CHLSN: variants seen among roughly 807,000 people sequenced by gnomAD.
CHLSN encodes the protein protein cholesin.
At chr7:1,054,731 C>G in the CHLSN span, among the ~76,000 whole-genome samples, 1 of 152,216 alleles carries the variant, frequency 6.6e-6, no homozygotes, top group Non-Finnish European at 1.5e-5. Context: ...CAGGAGAGCC[C>G]TCGCAGGAGG....
the CHLSN span, among the ~76,000 whole-genome samples, chr7:1,016,474 A>AGC: frequency 8.2e-6 from 1 of 122,696 alleles, no homozygotes; most frequent in Non-Finnish European, 1.7e-5. Flanking sequence ...AGCACATAGC[A>AGC]GCACAGCAGC....
At chr7:1,044,134 T>G in the CHLSN span, among the ~76,000 whole-genome samples, 1 of 152,102 alleles carries the variant, frequency 6.6e-6, no homozygotes, top group East Asian at 1.9e-4. Flanking sequence ...CAAACTTCGG[T>G]GAAGAAAGAG....
chr7:990,006 G>A, the CHLSN span, among the ~76,000 whole-genome samples: 1 of 49,508 alleles, frequency 2.0e-5, no homozygotes, highest in Non-Finnish European at 3.7e-5. Flanking sequence ...TCGGCAGTGT[G>A]AGTGGCGCGT....
At chr7:1,033,491 G>T in the CHLSN span, among the ~76,000 whole-genome samples, 2 of 151,948 alleles carry the variant, frequency 1.3e-5, no homozygotes, top group African/African-American at 4.8e-5. Flanking sequence ...TTGGGAAGTG[G>T]AGGTTGCAGT....
the CHLSN span, among the ~76,000 whole-genome samples, chr7:1,077,258 C>A: frequency 6.6e-6 from 1 of 152,220 alleles, no homozygotes; most frequent in Non-Finnish European, 1.5e-5. Context: ...CGGGTTCACA[C>A]CATTCTCCTG....
At chr7:984,594 T>C in the CHLSN span, 2 of 1,553,234 alleles carry the variant, frequency 1.3e-6, no homozygotes, top group Admixed American at 1.9e-5. Flanking sequence ...TGGCCGGCGC[T>C]ACGGGGCCTA....
the CHLSN span, among the ~76,000 whole-genome samples, chr7:1,126,507 C>T: frequency 8.6e-5 from 13 of 152,042 alleles, no homozygotes; most frequent in Admixed American, 5.9e-4. Context: ...TGGTGAAACC[C>T]GGTCTCTATC....
At chr7:1,048,776 T>C in the CHLSN span, among the ~76,000 whole-genome samples, 1 of 152,290 alleles carries the variant, frequency 6.6e-6, no homozygotes, top group African/African-American at 2.4e-5. Context: ...GGCCATGGTC[T>C]CCACAGCCGC....
At chr7:1,086,827 A>C in the CHLSN span, 2 of 152,560 alleles carry the variant, frequency 1.3e-5, no homozygotes, top group African/African-American at 4.8e-5. Flanking sequence ...TACTCAGCGG[A>C]CAAAGGATCA....
At chr7:1,085,266 A>G in the CHLSN span, among the ~76,000 whole-genome samples, 1 of 152,230 alleles carries the variant, frequency 6.6e-6, no homozygotes, top group Non-Finnish European at 1.5e-5. Flanking sequence ...TGAACAGAAA[A>G]ATATTTTCAC....
the CHLSN span, among the ~76,000 whole-genome samples, chr7:1,042,884 C>A: frequency 1.3e-5 from 2 of 152,150 alleles, no homozygotes; most frequent in Admixed American, 1.3e-4. Flanking sequence ...AGCCAGAATA[C>A]CCCTGGGTTC....
At chr7:1,093,626 G>C in the CHLSN span, 9 of 471,238 alleles carry the variant, frequency 1.9e-5, no homozygotes, top group Non-Finnish European at 1.8e-5. Context: ...GCGAGCTGCC[G>C]TGTGGGTTAG....
chr7:999,809 C>T, the CHLSN span, among the ~76,000 whole-genome samples: 1 of 152,262 alleles, frequency 6.6e-6, no homozygotes, highest in Non-Finnish European at 1.5e-5. Flanking sequence ...CCGGATGCAG[C>T]TCAGCAGAAC....
At chr7:993,885 G>T in the CHLSN span, among the ~76,000 whole-genome samples, 1 of 151,772 alleles carries the variant, frequency 6.6e-6, no homozygotes, top group Non-Finnish European at 1.5e-5. Flanking sequence ...GGCACTTGGT[G>T]TGAGCTGTTT....
the CHLSN span, chr7:1,127,190 T>C: frequency 6.6e-7 from 1 of 1,505,988 alleles, no homozygotes; most frequent in Non-Finnish European, 8.8e-7. Flanking sequence ...AGCCACCCCC[T>C]CTCCCTCCAG....
chr7:1,034,431 C>G, the CHLSN span, among the ~76,000 whole-genome samples: 1 of 151,060 alleles, frequency 6.6e-6, no homozygotes, highest in East Asian at 1.9e-4. Context: ...TATTCTAAAA[C>G]GTATATGGAA....
the CHLSN span, among the ~76,000 whole-genome samples, chr7:1,106,736 G>C: frequency 6.6e-6 from 1 of 152,238 alleles, no homozygotes; most frequent in Non-Finnish European, 1.5e-5. Context: ...AGAAGATGCC[G>C]GTGCTGCCGG....
chr7:1,121,606 T>G, the CHLSN span, among the ~76,000 whole-genome samples: 2 of 152,242 alleles, frequency 1.3e-5, no homozygotes, highest in East Asian at 3.8e-4. Flanking sequence ...CAAGTAGCCC[T>G]GCTCCCTTCC....
the CHLSN span, among the ~76,000 whole-genome samples, chr7:1,072,967 G>A: frequency 6.6e-6 from 1 of 152,164 alleles, no homozygotes; most frequent in Admixed American, 6.5e-5. Flanking sequence ...ATCGTTACAG[G>A]ACTGACAGAG....
Sources: allele counts gnomAD v4.1 joint callset (sites outside exome capture counted in the v4.1 genomes callset), GRCh38; gene constraint gnomAD v4.1.1; transcripts MANE v1.5; gene names NCBI Gene and HGNC (gene_info 2026-07-23, HGNC 2026-07-21).